Variants in TIAM2 observed in about 807,000 individuals in gnomAD.
TIAM2 encodes TIAM Rac1 associated GEF 2.
Under a neutral mutation model 152.9 loss-of-function variants are expected in TIAM2, and 80 were observed. That is an observed-to-expected ratio of 0.52 (90% CI 0.44 to 0.63). TIAM2 has a LOEUF of 0.63. Ranked by LOEUF, TIAM2 falls within the 30% of genes least tolerant of loss-of-function variation. The pLI, the probability that TIAM2 is intolerant of heterozygous loss-of-function variation, is 0.00. For synonymous variants in TIAM2, 804 were observed against 838.0 expected, an observed-to-expected ratio of 0.96 and a Z score of 0.70; for missense variants, 1,965 against 2,120.1, an observed-to-expected ratio of 0.93 and a Z score of 1.44.
intron 16 of TIAM2, among the ~76,000 whole-genome samples, chr6:155,242,813 G>A (rs1275573665): frequency 6.6e-6 from 1 of 152,066 alleles, no homozygotes; most frequent in African/African-American, 2.4e-5. Flanking sequence ...TTGGCTCACT[G>A]CAACCTCCAC....
chr6:155,042,494 G>A (rs1420786748), intron 1 of TIAM2, among the ~76,000 whole-genome samples: 1 of 152,164 alleles, frequency 6.6e-6, no homozygotes, highest in Non-Finnish European at 1.5e-5. Context: ...TCGGGAGGCT[G>A]AGGCCAGAGA....
intron 1 of TIAM2, among the ~76,000 whole-genome samples, chr6:155,054,605 G>A (rs2062410): frequency 0.29 from 44,386 of 151,296 alleles, 7,111 homozygotes; most frequent in East Asian, 0.56. Flanking sequence ...TTTTTGAGAC[G>A]GAGTCTCACT....
chr6:155,117,484 C>A (rs1779042711), intron 2 of TIAM2, among the ~76,000 whole-genome samples: 1 of 152,166 alleles, frequency 6.6e-6, no homozygotes, highest in African/African-American at 2.4e-5. Flanking sequence ...GCTTTGTCGC[C>A]CAGGCTGGAA....
rs145443405 is a variant in TIAM2 at position 155,075,791 on chromosome 6, A to G, written c.-208-14498A>G. On this transcript the variant is annotated intron_variant, in intron 1 of 26. Transcript: ENST00000682666. ...AGTTAAGGTACATTGAACTGCTGCC[A>G]GAAAGCAAAGGTGTCACTATTTCTG... Among the ~76,000 whole-genome samples, 54 of 152,350 alleles carry G rather than the reference A, an allele frequency of 3.5e-4. No homozygotes were observed. In the East Asian group the frequency reaches 9.8e-3, roughly 28 times the overall value.
At chr6:155,252,796 T>C (rs1222326694) in intron 23 of TIAM2, 152 bp from the exon 24 acceptor site, 8 of 634,894 alleles carry the variant, frequency 1.3e-5, no homozygotes, top group African/African-American at 1.1e-4. Context: ...GAGAACTGGG[T>C]GCGTAGCTGA....
Position 155,144,668 on chromosome 6 carries a change from C to T in TIAM2, c.1693C>T (p.Arg565Trp), listed in dbSNP as rs371959316. 1.0e-5 allele frequency: 16 copies of T among 1,605,304 alleles called. No individual in the cohort carries two copies. The highest frequency in any genetic ancestry group is 5.1e-5 in the Admixed American group (3 of 58,312). ...TTCCATGGATCAGAGCAGTGCCCCT[C>T]GGTGTGCTCTGTTTGCAGAAGACAG... ...KNSMDQSSAP[R>W]CALFAEDSIV... The change falls in exon 6 of 27, where the codon CGG becomes TGG. Residue 565 changes from arginine (R) to tryptophan (W), a missense_variant. By Grantham distance (101) the Arg-to-Trp change is moderately radical. Coordinates refer to ENST00000682666, the MANE Select transcript of TIAM2 (RefSeq NM_012454.4).
chr6:155,114,416 G>A (rs1169083706), intron 2 of TIAM2, among the ~76,000 whole-genome samples: 2 of 151,830 alleles, frequency 1.3e-5, no homozygotes, highest in East Asian at 3.9e-4. Flanking sequence ...AATGAAATCA[G>A]AGCTTCAGGA....
chr6:155,118,389 T>TCTTTC (rs1222325651), intron 2 of TIAM2, among the ~76,000 whole-genome samples: 1 of 152,028 alleles, frequency 6.6e-6, no homozygotes, highest in Non-Finnish European at 1.5e-5. Flanking sequence ...GGAATTCCTT[T>TCTTTC]CTTTCCTTTC....
At chr6:155,124,451 C>T (rs971959259) in intron 2 of TIAM2, among the ~76,000 whole-genome samples, 3 of 152,204 alleles carry the variant, frequency 2.0e-5, no homozygotes, top group Non-Finnish European at 4.4e-5. Context: ...TTGCCTCAGC[C>T]TCCTGAGTAG....
At chr6:155,172,271 G>T (rs1235757280) in intron 9 of TIAM2, among the ~76,000 whole-genome samples, 1 of 152,128 alleles carries the variant, frequency 6.6e-6, no homozygotes, top group African/African-American at 2.4e-5. Context: ...GATCTGAGCA[G>T]CAGTGGCCAG....
chr6:155,168,179 A>G (rs1286454959), intron 9 of TIAM2, among the ~76,000 whole-genome samples: 1 of 152,140 alleles, frequency 6.6e-6, no homozygotes, highest in African/African-American at 2.4e-5. Flanking sequence ...TGGAAAAGGC[A>G]ATTGTTTTTA....
chr6:155,137,365 T>A lies in TIAM2; in HGVS notation c.1383T>A (p.Asn461Lys). ...CCCTCCGGCAGAACATTTATGAGAA[T>A]TTCATGCGAGAGTTGGAAATGAGCA... ...SDPLRQNIYE[N>K]FMRELEMSRT... Residue 461 changes from asparagine (N) to lysine (K), a missense_variant, in exon 5 of 27, where the codon AAT (asparagine) becomes AAA (lysine). By Grantham distance (94) the Asn-to-Lys change is moderately conservative (BLOSUM62 0). This residue lies in a region of TIAM2 where 1,025 missense variants were observed against 1,119.4 expected (regional missense o/e 0.92). Coordinates refer to ENST00000682666, the MANE Select transcript of TIAM2 (RefSeq NM_012454.4). The A allele has an allele frequency of 6.2e-7, 1 of 1,614,176 alleles. No homozygotes were observed. The highest frequency in any genetic ancestry group is 8.5e-7 in the Non-Finnish European group (1 of 1,180,032).
At chr6:155,110,826 C>A (rs947744653) in intron 2 of TIAM2, among the ~76,000 whole-genome samples, 1 of 152,164 alleles carries the variant, frequency 6.6e-6, no homozygotes, top group African/African-American at 2.4e-5. Flanking sequence ...GAAAGGGATG[C>A]AGTGGGCTCC....
chr6:155,226,757 C>T (rs1356410866), intron 15 of TIAM2, among the ~76,000 whole-genome samples: 1 of 152,214 alleles, frequency 6.6e-6, no homozygotes, highest in Non-Finnish European at 1.5e-5. Context: ...AATTTGCCTG[C>T]AACAAATTCA....
intron 1 of TIAM2, among the ~76,000 whole-genome samples, chr6:155,074,348 T>G (rs9371857): frequency 0.23 from 35,487 of 152,034 alleles, 4,730 homozygotes; most frequent in East Asian, 0.43. Context: ...TAAGCTTTTT[T>G]TTTGTTTGTT....
intron 2 of TIAM2, among the ~76,000 whole-genome samples, chr6:155,125,270 C>A (rs1283743686): frequency 6.6e-6 from 1 of 150,612 alleles, no homozygotes; most frequent in Admixed American, 6.6e-5. Context: ...GACTCTGTCT[C>A]AAAAAAAATA....
At chr6:155,220,976 T>C (rs1366516990) in intron 15 of TIAM2, among the ~76,000 whole-genome samples, 1 of 152,132 alleles carries the variant, frequency 6.6e-6, no homozygotes, top group African/African-American at 2.4e-5. Flanking sequence ...TCCATGGTTC[T>C]CATTGTTCAG....
chr6:155,050,062 A>G (rs910047112), intron 1 of TIAM2, among the ~76,000 whole-genome samples: 2 of 152,202 alleles, frequency 1.3e-5, no homozygotes, highest in Non-Finnish European at 1.5e-5. Flanking sequence ...TTTTTTTCTC[A>G]TCACATAAAA....
At chr6:154,997,578 A>G (rs896843196) in intron 1 of TIAM2, among the ~76,000 whole-genome samples, 23 of 149,430 alleles carry the variant, frequency 1.5e-4, no homozygotes, top group African/African-American at 5.4e-4. Flanking sequence ...CTGATGTAAT[A>G]GGAGCTCAGT....
Sources: allele counts gnomAD v4.1 joint callset (sites outside exome capture counted in the v4.1 genomes callset), GRCh38; gene constraint gnomAD v4.1.1; regional missense constraint gnomAD v4.1.1; transcripts MANE v1.5; gene names NCBI Gene and HGNC (gene_info 2026-07-23, HGNC 2026-07-21).